The following WDR75 variants were observed in gnomAD, a reference collection of about 807,000 sequenced individuals.
WDR75 encodes the protein WD repeat-containing protein 75.
WDR75 carries 52 observed loss-of-function variants against 106.1 expected under a neutral mutation model. That is an observed-to-expected ratio of 0.49 (90% CI 0.39 to 0.62). The LOEUF (loss-of-function observed/expected upper bound fraction) is 0.62. WDR75 is among the 20% of genes least tolerant of loss of function. The probability of loss-of-function intolerance (pLI) is 0.00; values close to 1 mark genes in which losing one functional copy is unlikely to be tolerated. For missense variants in WDR75, 905 were observed against 970.3 expected (o/e 0.93, Z 0.89); for synonymous variants, 333 against 335.5 (o/e 0.99, Z 0.08).
rs200111719 is a variant in WDR75 at position 189,468,511 on chromosome 2, T to A, written c.1665T>A (p.Tyr555Ter). Residue 555 changes from tyrosine to a stop codon, truncating the protein, a stop_gained, in exon 15 of 21, where the codon TAT (tyrosine) becomes TAA (stop). Coordinates refer to ENST00000314761, the MANE Select transcript of WDR75 (RefSeq NM_032168.3). LOFTEE classifies it high-confidence loss of function. ...LCFGRLTCSK[Y>*]LLGATENGIL... ...TTGGGAGATTGACGTGTTCAAAGTA[T>A]CTACTTGGTGCTACTGAAAATGGCA... The A allele has an allele frequency of 6.2e-7, 1 of 1,613,450 alleles. No homozygotes were observed.
intron 2 of WDR75, chr2:189,449,526 A>G: frequency 9.2e-7 from 1 of 1,088,526 alleles, no homozygotes; most frequent in Non-Finnish European, 1.1e-6. Context: ...TCCATATACT[A>G]AGTTTTATAG....
At position 189,448,366 on chromosome 2, in the gene WDR75, C is replaced by T. The variant is rs745807773; in HGVS notation, c.87-13C>T. 337 of 1,606,946 alleles carry T rather than the reference C, an allele frequency of 2.1e-4. No homozygotes were observed. Among genetic ancestry groups the T allele is most frequent in the Non-Finnish European group, 2.6e-4 (303 of 1,176,974 alleles). On this transcript the variant is annotated splice_polypyrimidine_tract_variant and intron_variant, in intron 1 of 20. Transcript: ENST00000314761. ...CAGTATGTAAAACTTACTTTTCTTT[C>T]TTTTTTTTCCAGGTATATCTTCTGT...
intron 2 of WDR75, 141 bp downstream of exon 2, chr2:189,448,649 C>A: frequency 1.8e-6 from 2 of 1,081,300 alleles, no homozygotes; most frequent in Non-Finnish European, 1.4e-6. Flanking sequence ...TTTCCACTTG[C>A]TAAATTACAT....
Position 189,474,284 on chromosome 2 carries a change from T to C in WDR75, c.2148T>C (p.Asn716=). 1 of 1,613,698 alleles carries C rather than the reference T, an allele frequency of 6.2e-7. No individual in the cohort carries two copies. The highest frequency in any genetic ancestry group is 2.2e-5 in the East Asian group (1 of 44,870). ...AAAAACTAAACGAAACTTTAGAGAA[T>C]GAGCTGGTACAACTACCCTTAACAG... The part of the protein sequence containing the change: ...QDEKLNETLE[N]ELVQLPLTEN... The change falls in exon 19 of 21, where the codon AAT becomes AAC. Residue 716 remains asparagine, a synonymous_variant. Coordinates refer to ENST00000314761, the MANE Select transcript of WDR75 (RefSeq NM_032168.3).
chr2:189,470,419 C>T (rs978423531), intron 17 of WDR75, among the ~76,000 whole-genome samples, 174 bp downstream of exon 17: 4 of 152,042 alleles, frequency 2.6e-5, no homozygotes, highest in Non-Finnish European at 4.4e-5. Context: ...AATGTATTAC[C>T]GTTTTACCCC....
intron 1 of WDR75, among the ~76,000 whole-genome samples, chr2:189,446,783 G>A (rs1321723750): frequency 1.3e-5 from 2 of 152,104 alleles, no homozygotes; most frequent in African/African-American, 2.4e-5. Context: ...TAAAGTTTAA[G>A]TTATAAATCA....
At chr2:189,448,604 A>G in intron 2 of WDR75, 96 bp downstream of exon 2, 1 of 1,491,860 alleles carries the variant, frequency 6.7e-7, no homozygotes, top group Non-Finnish European at 9.2e-7. Context: ...CCAGGTTATA[A>G]GTAAAATATT....
chr2:189,442,523 T>C (rs1686401504), intron 1 of WDR75, among the ~76,000 whole-genome samples: 1 of 133,130 alleles, frequency 7.5e-6, no homozygotes, highest in Admixed American at 8.9e-5. Context: ...CAATCTAGGC[T>C]CATTGCAACC....
In WDR75 at chr2:189,459,204, A is replaced by T. The variant is rs1042223206; in HGVS notation, c.690-132A>T. 19 of 669,578 alleles carry T rather than the reference A, an allele frequency of 2.8e-5. No homozygotes were observed. In the African/African-American group the frequency reaches 3.6e-4, roughly 13 times the overall value. 41.5% of individuals were successfully genotyped at this position (669,578 alleles called of 1,614,324 possible). A position where few individuals can be genotyped will look rare whatever the true frequency, so the allele number is the denominator to read the frequency against. On this transcript the variant is annotated intron_variant, in intron 7 of 20. Transcript: ENST00000314761. ...CTCTGGTTAGAAATAGAAAATGTGC[A>T]CATTAAGACCAGAAGCCTTTATATT...
chr2:189,458,069 G>A (rs904656175), intron 6 of WDR75, among the ~76,000 whole-genome samples: 18 of 151,844 alleles, frequency 1.2e-4, no homozygotes, highest in African/African-American at 2.9e-4. Flanking sequence ...GACTATAGGC[G>A]TCTGCCACCA....
intron 6 of WDR75, among the ~76,000 whole-genome samples, 157 bp from the exon 7 acceptor site, chr2:189,458,596 A>G (rs553934577): frequency 2.0e-5 from 3 of 152,318 alleles, no homozygotes. Context: ...TTCTTGATCA[A>G]AATTTTCTTT....
chr2:189,475,479 AAC>A lies in WDR75; in HGVS notation c.*64_*65del, dbSNP rs1232135215. On this transcript the variant is annotated 3_prime_UTR_variant, in exon 21 of 21. Coordinates refer to ENST00000314761, the MANE Select transcript of WDR75 (RefSeq NM_032168.3). The stretch of plus-strand genomic sequence containing the variant: ...TTTGATTGTATGTTGATATTCTAAA[AAC>A]ATCTATTTTAATGTTATTTCTGTTC... 28 of 1,013,996 alleles carry A rather than the reference AAC, an allele frequency of 2.8e-5. 1 individual carries two copies. Among genetic ancestry groups the A allele is most frequent in the Middle Eastern group, 2.8e-4 (1 of 3,588 alleles). The allele number at this position is 1,013,996 out of a possible 1,614,324, so 62.8% of individuals were successfully genotyped here.
intron 14 of WDR75, 81 bp downstream of exon 14, chr2:189,467,729 C>A: frequency 7.5e-7 from 1 of 1,328,470 alleles, no homozygotes; most frequent in Non-Finnish European, 1.0e-6. Flanking sequence ...GTCATTTATG[C>A]CCTCTCCAAA....
chr2:189,460,900 TACTG>T (rs936149141), intron 8 of WDR75, among the ~76,000 whole-genome samples: 28 of 152,314 alleles, frequency 1.8e-4, no homozygotes, highest in African/African-American at 6.5e-4. Context: ...GAAATGTCCT[TACTG>T]ACTGTGTGGG....
At chr2:189,450,646 A>G in intron 2 of WDR75, 2 of 1,281,614 alleles carry the variant, frequency 1.6e-6, no homozygotes, top group Non-Finnish European at 2.0e-6. Context: ...AAACCTTACC[A>G]TCTCCCTCTT....
chr2:189,460,532 T>C (rs920553468), intron 8 of WDR75, among the ~76,000 whole-genome samples: 21 of 150,922 alleles, frequency 1.4e-4, no homozygotes, highest in African/African-American at 5.1e-4. Context: ...TTAGACAAGG[T>C]CTCACTTTGT....
chr2:189,462,781 C>A (rs1051509479), intron 9 of WDR75, 139 bp downstream of exon 9: 1 of 727,866 alleles, frequency 1.4e-6, no homozygotes, highest in African/African-American at 1.8e-5. Context: ...TTGCATTACT[C>A]CTCTCTTTTC....
At chr2:189,442,525 A>G (rs1482567948) in intron 1 of WDR75, among the ~76,000 whole-genome samples, 1 of 130,506 alleles carries the variant, frequency 7.7e-6, no homozygotes, top group Admixed American at 1.0e-4. Context: ...ATCTAGGCTC[A>G]TTGCAACCTC....
At chr2:189,456,555 G>A (rs182401336) in intron 5 of WDR75, among the ~76,000 whole-genome samples, 2 of 152,136 alleles carry the variant, frequency 1.3e-5, no homozygotes, top group Admixed American at 1.3e-4. Context: ...TTCCATGAAT[G>A]TGAAATTCTA....
Sources: gnomAD v4.1 joint callset for allele counts (sites outside exome capture counted in the v4.1 genomes callset) on GRCh38, gnomAD v4.1.1 for gene constraint, MANE v1.5 for transcripts, NCBI Gene and HGNC (gene_info 2026-07-23, HGNC 2026-07-21) for gene names.